Variants in PRKAG2 observed in about 807,000 individuals in gnomAD.
The protein encoded by PRKAG2 is protein kinase AMP-activated non-catalytic subunit gamma 2, also known as 5'-AMP-activated protein kinase subunit gamma-2.
Under a neutral mutation model 69.6 loss-of-function variants are expected in PRKAG2, and 26 were observed. The observed-to-expected ratio is 0.37, with a 90% CI of 0.27 to 0.52. The LOEUF (loss-of-function observed/expected upper bound fraction) is 0.52. Among genes scored for constraint, PRKAG2 ranks in the 20% least tolerant of loss-of-function variants. The probability of loss-of-function intolerance (pLI) is 0.90; values close to 1 mark genes in which losing one functional copy is unlikely to be tolerated. For synonymous variants in PRKAG2, 293 were observed against 285.0 expected, an observed-to-expected ratio of 1.03 and a Z score of -0.28; for missense variants, 557 against 740.0, an observed-to-expected ratio of 0.75 and a Z score of 2.87.
chr7:151,848,512 C>CTTTTTTTTTTTTTT lies in PRKAG2; in HGVS notation c.114+27981_114+27994dup, dbSNP rs1158559692. Among the ~76,000 whole-genome samples, 22 of 62,250 alleles carry CTTTTTTTTTTTTTT rather than the reference C, an allele frequency of 3.5e-4. 2 individuals carry two copies. Among genetic ancestry groups the CTTTTTTTTTTTTTT allele is most frequent in the African/African-American group, 1.2e-3 (17 of 13,954 alleles). 40.8% of individuals were successfully genotyped at this position (62,250 alleles called of 152,430 possible). A position where few individuals can be genotyped will look rare whatever the true frequency, so the allele number is the denominator to read the frequency against. ...AACAGATGAAGAAAATACTGCATGT[C>CTTTTTTTTTTTTTT]TTTTTTTTTTTTTTTTTTTTTTTTT... On this transcript the variant is annotated intron_variant, in intron 1 of 15. Transcript: ENST00000287878.
At position 151,648,701 on chromosome 7, in the gene PRKAG2, TA is replaced by T. The variant is rs987855134; in HGVS notation, c.685-16564del. On this transcript the variant is annotated intron_variant, in intron 4 of 15. Transcript: ENST00000287878. Reference sequence around the variant, plus strand: ...GAAATCAATTATGAGTCAAGTACTGTAAAATAATAGTTTACTTTAAAATGAA... The same window carrying T: ...GAAATCAATTATGAGTCAAGTACTGTAAATAATAGTTTACTTTAAAATGAA... Among the ~76,000 whole-genome samples the T allele has an allele frequency of 5.8e-4, 88 of 152,298 alleles. 1 individual carries two copies. Among genetic ancestry groups the T allele is most frequent in the African/African-American group, 1.8e-3 (74 of 41,564 alleles).
At chr7:151,712,884 C>T (rs765473312) in intron 3 of PRKAG2, among the ~76,000 whole-genome samples, 2 of 151,660 alleles carry the variant, frequency 1.3e-5, no homozygotes, top group Non-Finnish European at 2.9e-5. Context: ...AAATTCATTC[C>T]GTTTTCCATC....
intron 3 of PRKAG2, among the ~76,000 whole-genome samples, chr7:151,706,785 G>A (rs559601089): frequency 2.0e-4 from 31 of 152,362 alleles, no homozygotes; most frequent in African/African-American, 7.2e-4. Context: ...TCTAGAATAC[G>A]TTCCGGCAAT....
intron 5 of PRKAG2, among the ~76,000 whole-genome samples, chr7:151,611,605 G>A (rs997174654): frequency 1.4e-4 from 21 of 152,302 alleles, no homozygotes; most frequent in African/African-American, 5.1e-4. Context: ...CGTGGATCCA[G>A]CAGAGCCGAG....
chr7:151,676,875 G>A (rs950154419), intron 3 of PRKAG2, among the ~76,000 whole-genome samples: 14 of 152,182 alleles, frequency 9.2e-5, no homozygotes, highest in African/African-American at 3.4e-4. Context: ...TACCCAGAGG[G>A]AAGGCCTCGT....
rs560080587 is a variant in PRKAG2, at chr7:151,605,936, C to CAAAAAA, written c.755-10488_755-10483dup. Among the ~76,000 whole-genome samples, 164 of 91,020 alleles carry CAAAAAA rather than the reference C, an allele frequency of 1.8e-3. 6 individuals carry two copies. Among genetic ancestry groups the CAAAAAA allele is most frequent in the African/African-American group, 6.1e-3 (159 of 25,862 alleles). The allele number at this position is 91,020 out of a possible 152,430, so 59.7% of individuals were successfully genotyped here. A position where few individuals can be genotyped will look rare whatever the true frequency, so the allele number is the denominator to read the frequency against. ...CTGGCGACAGAGCGAGACTCCGTCT[C>CAAAAAA]AAAAAAAAAAAAAAAAAAAAGAATT... On this transcript the variant is annotated intron_variant, in intron 5 of 15. Transcript: ENST00000287878.
intron 1 of PRKAG2, among the ~76,000 whole-genome samples, chr7:151,793,465 T>C (rs2077357236): frequency 6.6e-6 from 1 of 152,186 alleles, no homozygotes; most frequent in South Asian, 2.1e-4. Flanking sequence ...GGCTGTGGGA[T>C]CCAGCACCAG....
At chr7:151,755,129 G>A (rs996198320) in intron 3 of PRKAG2, among the ~76,000 whole-genome samples, 7 of 152,136 alleles carry the variant, frequency 4.6e-5, no homozygotes, top group South Asian at 4.1e-4. Flanking sequence ...TATGTACATC[G>A]GCCGGTTATT....
At chr7:151,830,754 C>T (rs1051106039) in intron 1 of PRKAG2, among the ~76,000 whole-genome samples, 4 of 144,280 alleles carry the variant, frequency 2.8e-5, no homozygotes, top group African/African-American at 1.0e-4. Flanking sequence ...GGCCAAACTT[C>T]CCTCTTTTAT....
At chr7:151,854,036 C>T (rs1463560858) in intron 1 of PRKAG2, among the ~76,000 whole-genome samples, 2 of 152,150 alleles carry the variant, frequency 1.3e-5, no homozygotes, top group East Asian at 3.9e-4. Context: ...CTGGGGACAG[C>T]TGGGTCATTC....
chr7:151,585,814 G>A (rs1015896120), intron 6 of PRKAG2, among the ~76,000 whole-genome samples: 3 of 152,186 alleles, frequency 2.0e-5, no homozygotes, highest in Non-Finnish European at 4.4e-5. Flanking sequence ...CTCCCCAGAA[G>A]GCAGAGTGTA....
At chr7:151,568,098 G>T (rs1806679855) in intron 11 of PRKAG2, among the ~76,000 whole-genome samples, 7 of 152,166 alleles carry the variant, frequency 4.6e-5, no homozygotes. Flanking sequence ...TAAACTCTCT[G>T]TTCTTCCTGA....
Position 151,674,296 on chromosome 7 carries a change from C to T in PRKAG2, c.684+1124G>A, listed in dbSNP as rs79134298. ...CCTAGAGGCTTTGAAGAGAGTGTAG[C>T]CCTGCCAACACCTTGACTTTGGACT... On this transcript the variant is annotated intron_variant, in intron 4 of 15. Transcript: ENST00000287878. Among the ~76,000 whole-genome samples the T allele has an allele frequency of 4.0e-3, 610 of 152,310 alleles. 5 individuals carry two copies. Among genetic ancestry groups the T allele is most frequent in the African/African-American group, 0.014 (570 of 41,560 alleles).
chr7:151,740,417 A>G (rs2073797460), intron 3 of PRKAG2, among the ~76,000 whole-genome samples: 1 of 151,636 alleles, frequency 6.6e-6, no homozygotes, highest in South Asian at 2.1e-4. Flanking sequence ...AGCCCTGCTG[A>G]TACGAACCCG....
At chr7:151,826,472 C>T (rs916164103) in intron 1 of PRKAG2, among the ~76,000 whole-genome samples, 1 of 152,106 alleles carries the variant, frequency 6.6e-6, no homozygotes, top group East Asian at 1.9e-4. Flanking sequence ...TGTGAGCCAC[C>T]GCGCCTGGCT....
intron 3 of PRKAG2, among the ~76,000 whole-genome samples, chr7:151,698,196 G>T (rs900551980): frequency 6.6e-6 from 1 of 152,180 alleles, no homozygotes; most frequent in African/African-American, 2.4e-5. Flanking sequence ...GGAACTAGGG[G>T]TTTGGTCCCC....
chr7:151,811,141 G>C (rs958885271), intron 1 of PRKAG2, among the ~76,000 whole-genome samples: 2 of 152,240 alleles, frequency 1.3e-5, no homozygotes, highest in Non-Finnish European at 2.9e-5. Context: ...AAAGTGCTAA[G>C]ACCTGGAGAA....
intron 4 of PRKAG2, among the ~76,000 whole-genome samples, chr7:151,636,249 ACTAT>A (rs774196199): frequency 5.9e-5 from 9 of 152,140 alleles, no homozygotes; most frequent in Non-Finnish European, 1.3e-4. Flanking sequence ...GAATTGTGCA[ACTAT>A]CTAAGTTTAC....
At chr7:151,826,535 G>A (rs1449793215) in intron 1 of PRKAG2, among the ~76,000 whole-genome samples, 1 of 152,084 alleles carries the variant, frequency 6.6e-6, no homozygotes, top group African/African-American at 2.4e-5. Context: ...TCTTCATAAG[G>A]AGGAAATTCC....
Sources: allele counts gnomAD v4.1 joint callset (sites outside exome capture counted in the v4.1 genomes callset), GRCh38; gene constraint gnomAD v4.1.1; transcripts MANE v1.5; gene names NCBI Gene and HGNC (gene_info 2026-07-23, HGNC 2026-07-21).